NUP160: variants seen among roughly 807,000 people sequenced by gnomAD.
NUP160 encodes nucleoporin 160.
A neutral mutation model predicts 196.9 loss-of-function variants in NUP160; 94 were observed. That is an observed-to-expected ratio of 0.48 (90% CI 0.40 to 0.57). NUP160 has a LOEUF of 0.57. NUP160 is among the 20% of genes least tolerant of loss of function. NUP160 has a pLI of 0.00. For missense variants in NUP160, 1,638 were observed against 1,748.3 expected (o/e 0.94, Z 1.13); for synonymous variants, 605 against 619.7 (o/e 0.98, Z 0.35).
intron 7 of NUP160, among the ~76,000 whole-genome samples, chr11:47,822,366 T>C (rs1019379443): frequency 6.6e-6 from 1 of 152,032 alleles, no homozygotes; most frequent in African/African-American, 2.4e-5. Context: ...CAAGCTATTC[T>C]CCTGCCTCAG....
chr11:47,835,837 T>C (rs1347943356), intron 6 of NUP160, 28 bp from the exon 7 acceptor site: 4 of 1,520,828 alleles, frequency 2.6e-6, no homozygotes, highest in Non-Finnish European at 3.5e-6. Flanking sequence ...TAATAGGTGA[T>C]ATTCAAGGGA....
At chr11:47,825,070 C>T (rs1295720559) in intron 7 of NUP160, among the ~76,000 whole-genome samples, 1 of 152,054 alleles carries the variant, frequency 6.6e-6, no homozygotes, top group Admixed American at 6.5e-5. Context: ...CTTCTGACCT[C>T]GTGATCTGCC....
At chr11:47,788,609 T>C (rs1488921885) in exon 30 of NUP160, 1 of 1,606,112 alleles carries the variant, frequency 6.2e-7, no homozygotes, top group Non-Finnish European at 8.5e-7. Context: ...ATTTGTCGAT[T>C]TGCTATACAT....
At chr11:47,797,288 T>C (rs940037185) in intron 27 of NUP160, among the ~76,000 whole-genome samples, 2 of 152,138 alleles carry the variant, frequency 1.3e-5, no homozygotes, top group East Asian at 3.9e-4. Flanking sequence ...TGGAGTGAAG[T>C]GGCGTGATCT....
intron 13 of NUP160, among the ~76,000 whole-genome samples, chr11:47,814,632 A>G (rs1170009100): frequency 6.6e-6 from 1 of 151,930 alleles, no homozygotes; most frequent in African/African-American, 2.4e-5. Context: ...TATATATGTT[A>G]TATTTGGCAA....
intron 27 of NUP160, among the ~76,000 whole-genome samples, chr11:47,796,931 G>A (rs72911802): frequency 0.011 from 1,748 of 152,266 alleles, 12 homozygotes; most frequent in Non-Finnish European, 0.018. Flanking sequence ...GACATTAAGC[G>A]ATCCACCTGC....
At chr11:47,820,826 A>C (rs1851841913) in intron 9 of NUP160, among the ~76,000 whole-genome samples, 1 of 152,104 alleles carries the variant, frequency 6.6e-6, no homozygotes, top group Admixed American at 6.6e-5. Context: ...CTGGGATTAC[A>C]GGCATGAGCC....
chr11:47,801,665 C>G, intron 23 of NUP160, 146 bp downstream of exon 23: 3 of 774,538 alleles, frequency 3.9e-6, no homozygotes, highest in Admixed American at 6.0e-5. Context: ...TCTTTAATTT[C>G]TCTAGGCAAA....
At chr11:47,793,725 T>C (rs1218477717) in intron 27 of NUP160, among the ~76,000 whole-genome samples, 1 of 3,062 alleles carries the variant, frequency 3.3e-4, no homozygotes, top group African/African-American at 1.1e-3. Flanking sequence ...GATATCTGTT[T>C]TTTTTTTTTT....
intron 27 of NUP160, among the ~76,000 whole-genome samples, 192 bp from the exon 28 acceptor site, chr11:47,793,138 C>A (rs998001375): frequency 6.6e-6 from 1 of 152,044 alleles, no homozygotes; most frequent in Non-Finnish European, 1.5e-5. Flanking sequence ...AGGCACACGA[C>A]CACCACGCCC....
chr11:47,795,757 A>T (rs1032011133), intron 27 of NUP160, among the ~76,000 whole-genome samples: 1 of 152,184 alleles, frequency 6.6e-6, no homozygotes, highest in Non-Finnish European at 1.5e-5. Flanking sequence ...ATCAAAGGCA[A>T]AGTGAGGCTC....
chr11:47,823,291 A>G (rs1324538806), intron 7 of NUP160, among the ~76,000 whole-genome samples: 1 of 152,214 alleles, frequency 6.6e-6, no homozygotes, highest in Admixed American at 6.5e-5. Context: ...ACCAATCTAT[A>G]GAACTCCTTT....
chr11:47,784,341 G>A (rs2097663299), intron 33 of NUP160, among the ~76,000 whole-genome samples: 1 of 152,198 alleles, frequency 6.6e-6, no homozygotes. Context: ...TGGGAGTGGA[G>A]AAGGAACCAA....
intron 7 of NUP160, among the ~76,000 whole-genome samples, chr11:47,828,950 AT>A (rs1852026132): frequency 6.6e-6 from 1 of 152,210 alleles, no homozygotes; most frequent in African/African-American, 2.4e-5. Flanking sequence ...AACTAAAAAA[AT>A]GAATCAAAGT....
intron 17 of NUP160, among the ~76,000 whole-genome samples, chr11:47,808,768 A>C (rs2097679228): frequency 6.6e-6 from 1 of 152,106 alleles, no homozygotes; most frequent in Non-Finnish European, 1.5e-5. Context: ...AGAAACCAAC[A>C]ATAAAAAGCT....
intron 17 of NUP160, among the ~76,000 whole-genome samples, chr11:47,811,564 C>A (rs191759747): frequency 6.6e-6 from 1 of 152,018 alleles, no homozygotes; most frequent in Admixed American, 6.5e-5. Context: ...ATGCTTACCA[C>A]ATTCATAGTT....
chr11:47,801,870 A>G, exon 23 of NUP160: 1 of 1,613,952 alleles, frequency 6.2e-7, no homozygotes, highest in African/African-American at 1.3e-5. Flanking sequence ...GAGCGAATCA[A>G]GCGATCCAAG....
chr11:47,783,420 G>T (rs956251421), intron 33 of NUP160, among the ~76,000 whole-genome samples: 11 of 151,958 alleles, frequency 7.2e-5, no homozygotes, highest in Non-Finnish European at 1.2e-4. Flanking sequence ...CCTCTAGGCA[G>T]TTTGGGAGGC....
At chr11:47,848,281 T>A in exon 1 of NUP160, 1 of 1,614,118 alleles carries the variant, frequency 6.2e-7, no homozygotes, top group Non-Finnish European at 8.5e-7. Flanking sequence ...TCCGCTTAGC[T>A]CCACGAAGCT....
Sources: gnomAD v4.1 joint callset for allele counts (sites outside exome capture counted in the v4.1 genomes callset) on GRCh38, gnomAD v4.1.1 for gene constraint, MANE v1.5 for transcripts, NCBI Gene and HGNC (gene_info 2026-07-23, HGNC 2026-07-21) for gene names.